Variants in VPS37A observed in about 807,000 individuals in gnomAD.
VPS37A encodes the protein vacuolar protein sorting-associated protein 37A.
A neutral mutation model predicts 49.8 loss-of-function variants in VPS37A; 30 were observed. The observed-to-expected ratio is 0.60, with a 90% CI of 0.45 to 0.82. VPS37A has a LOEUF of 0.82. Among genes scored for constraint, VPS37A ranks in the 40% least tolerant of loss-of-function variants. The pLI, the probability that VPS37A is intolerant of heterozygous loss-of-function variation, is 0.00. For missense variants in VPS37A, 593 were observed against 464.4 expected (o/e 1.28, Z -2.55); for synonymous variants, 195 against 160.6 (o/e 1.21, Z -1.62).
the VPS37A span, among the ~76,000 whole-genome samples, chr8:17,327,118 A>G: frequency 5.9e-5 from 9 of 152,254 alleles, no homozygotes; most frequent in Non-Finnish European, 1.3e-4. Flanking sequence ...GTTAGTACAT[A>G]TAGTCTTCAC....
the VPS37A span, among the ~76,000 whole-genome samples, chr8:17,332,339 A>T: frequency 6.6e-6 from 1 of 152,246 alleles, no homozygotes; most frequent in Non-Finnish European, 1.5e-5. Context: ...TAAAAGTCTG[A>T]CAAAATTAAA....
At chr8:17,300,024 T>C (rs376480210), downstream of VPS37A, 26 of 1,614,054 alleles carry the variant, frequency 1.6e-5, no homozygotes, top group Non-Finnish European at 2.2e-5. Flanking sequence ...TCAGATTGTC[T>C]TGGGTTAGAA....
downstream of VPS37A, chr8:17,300,250 G>A (rs1460646775): frequency 2.5e-6 from 4 of 1,578,820 alleles, no homozygotes; most frequent in Non-Finnish European, 3.4e-6. Context: ...CAATTTCAGG[G>A]GAAAAATCAT....
In VPS37A at chr8:17,275,069, A is replaced by C. The variant is rs537965601; in HGVS notation, c.642+111A>C. 5.5e-4 allele frequency: 553 copies of C among 1,001,830 alleles called. 4 individuals carry two copies. The Middle Eastern group carries it at 7.7e-3, about 14-fold the overall frequency. 62.1% of individuals were successfully genotyped at this position (1,001,830 alleles called of 1,614,324 possible). A position where few individuals can be genotyped will look rare whatever the true frequency, so the allele number is the denominator to read the frequency against. Reference sequence around the variant, plus strand: ...ATAATAAGTTAGACACAAAATATGAAAAGATGAACTCACATTTTTCAATTC... The same window carrying C: ...ATAATAAGTTAGACACAAAATATGACAAGATGAACTCACATTTTTCAATTC... On this transcript the variant is annotated intron_variant, in intron 5 of 11. Coordinates refer to ENST00000324849, the MANE Select transcript of VPS37A (RefSeq NM_152415.3).
chr8:17,311,774 G>GGGGGCCCTAAA, the VPS37A span: 1 of 1,363,974 alleles, frequency 7.3e-7, no homozygotes, highest in Non-Finnish European at 1.0e-6. Context: ...TCTGTTTAGG[G>GGGGGCCCTAAA]CCCCCCCTAA....
In VPS37A at chr8:17,250,722, T is replaced by C. The variant is rs375940423; in HGVS notation, c.125+3353T>C. 2.0e-5 allele frequency among the ~76,000 whole-genome samples: 3 copies of C among 152,340 alleles called. No individual in the cohort carries two copies. The East Asian group carries it at 5.8e-4, about 29-fold the overall frequency. On this transcript the variant is annotated intron_variant, in intron 1 of 11. Transcript: ENST00000324849. Reference sequence around the variant, plus strand: ...CCCTTTCTCTAATGATTGTGAACTTTTTAGTTGCCTTAAATTCTTATCTCC... The same window carrying C: ...CCCTTTCTCTAATGATTGTGAACTTCTTAGTTGCCTTAAATTCTTATCTCC...
At chr8:17,255,899 G>C (rs1460591580) in intron 1 of VPS37A, among the ~76,000 whole-genome samples, 2 of 152,124 alleles carry the variant, frequency 1.3e-5, no homozygotes, top group African/African-American at 2.4e-5. Flanking sequence ...ATAATATTCT[G>C]TTGTGTATTA....
chr8:17,299,870 T>C, downstream of VPS37A: 1 of 1,613,988 alleles, frequency 6.2e-7, no homozygotes, highest in South Asian at 1.1e-5. Flanking sequence ...CTTCAGGCAG[T>C]GAGAAACACG....
At chr8:17,284,385 C>G in intron 9 of VPS37A, 88 bp from the exon 10 acceptor site, 1 of 1,440,110 alleles carries the variant, frequency 6.9e-7, no homozygotes, top group Non-Finnish European at 9.1e-7. Flanking sequence ...AATAAATTGC[C>G]TCTCCATACC....
At chr8:17,264,670 G>C (rs1813281416) in intron 1 of VPS37A, among the ~76,000 whole-genome samples, 1 of 152,158 alleles carries the variant, frequency 6.6e-6, no homozygotes, top group Non-Finnish European at 1.5e-5. Flanking sequence ...GTTTTATAAA[G>C]CTGTTAGAAG....
intron 11 of VPS37A, among the ~76,000 whole-genome samples, chr8:17,289,623 T>A (rs1235456208): frequency 6.6e-6 from 1 of 152,164 alleles, no homozygotes; most frequent in Non-Finnish European, 1.5e-5. Flanking sequence ...TAGTTTGAAG[T>A]CAGGTAGCAT....
chr8:17,276,387 T>C lies in VPS37A; in HGVS notation c.643-10T>C. The C allele has an allele frequency of 6.2e-7, 1 of 1,606,298 alleles. No individual in the cohort carries two copies. Among genetic ancestry groups the C allele is most frequent in the Non-Finnish European group, 8.5e-7 (1 of 1,177,462 alleles). On this transcript the variant is annotated splice_polypyrimidine_tract_variant and intron_variant, in intron 5 of 11. Transcript: ENST00000324849. The stretch of plus-strand genomic sequence containing the variant: ...GCTGAAATTTAATATCATTTAAAAC[T>C]TTTCTTTAGACAAGCCAAAATGGTT...
rs774817335 is a variant in VPS37A, at chr8:17,274,872, C to T, written c.556C>T (p.His186Tyr). ...CACTGTTTCTTCTTCAACAACAAGT[C>T]ATACCACAGCCAAGCCTGCCGCTCC... Reference protein sequence around the residue: ...ADTVSSSTTSHTTAKPAAPSF... With the variant: ...ADTVSSSTTSYTTAKPAAPSF... The change falls in exon 5 of 12, where the codon CAT becomes TAT. Residue 186 changes from histidine to tyrosine, a missense_variant. Transcript: ENST00000324849. 2.5e-6 allele frequency: 4 copies of T among 1,614,134 alleles called. No homozygotes were observed. The highest frequency in any genetic ancestry group is 3.4e-6 in the Non-Finnish European group (4 of 1,180,012).
At chr8:17,300,679 CA>C (rs1817053030), downstream of VPS37A, among the ~76,000 whole-genome samples, 1 of 152,204 alleles carries the variant, frequency 6.6e-6, no homozygotes, top group African/African-American at 2.4e-5. Flanking sequence ...GTTATATTCA[CA>C]AGGTTGTGCA....
At chr8:17,332,465 G>A in the VPS37A span, among the ~76,000 whole-genome samples, 6 of 152,288 alleles carry the variant, frequency 3.9e-5, no homozygotes, top group African/African-American at 1.4e-4. Flanking sequence ...GCCCTGACCT[G>A]CGAGCAGTGA....
rs1438658097 is a variant in VPS37A at position 17,297,222 on chromosome 8, C to G, written c.*2236C>G. The G allele has an allele frequency of 6.6e-6, 1 of 152,002 alleles. No homozygotes were observed. The highest frequency in any genetic ancestry group is 2.4e-5 in the African/African-American group (1 of 41,394). The allele number at this position is 152,002 out of a possible 1,614,324, so 9.4% of individuals were successfully genotyped here. A position where few individuals can be genotyped will look rare whatever the true frequency, so the allele number is the denominator to read the frequency against. On this transcript the variant is annotated 3_prime_UTR_variant, in exon 12 of 12. Coordinates refer to ENST00000324849, the MANE Select transcript of VPS37A (RefSeq NM_152415.3). ...TAGGCTAATCAGTGTACGAATTTGT[C>G]ATAGGTAGAGATTTAAAGGTTAATA...
At chr8:17,303,537 AC>A (rs1477706983), downstream of VPS37A, among the ~76,000 whole-genome samples, 1 of 152,080 alleles carries the variant, frequency 6.6e-6, no homozygotes, top group Non-Finnish European at 1.5e-5. Context: ...GAAAAAACAT[AC>A]GTATCTAGCA....
chr8:17,304,371 T>G, downstream of VPS37A: 1 of 1,609,536 alleles, frequency 6.2e-7, no homozygotes, highest in Admixed American at 1.7e-5. Context: ...TACCAAGGAT[T>G]TACATACTTG....
At chr8:17,292,728 T>C (rs1816266480) in intron 11 of VPS37A, among the ~76,000 whole-genome samples, 1 of 152,172 alleles carries the variant, frequency 6.6e-6, no homozygotes, top group Non-Finnish European at 1.5e-5. Context: ...AAGCTTAGTT[T>C]GGCTGGATAT....
Sources: allele counts gnomAD v4.1 joint callset (sites outside exome capture counted in the v4.1 genomes callset), GRCh38; gene constraint gnomAD v4.1.1; transcripts MANE v1.5; gene names NCBI Gene and HGNC (gene_info 2026-07-23, HGNC 2026-07-21).